The following ZNF385D variants were observed in gnomAD, a reference collection of about 807,000 sequenced individuals.
ZNF385D encodes zinc finger protein 385D, also known as zinc finger protein 659.
A neutral mutation model predicts 35.8 loss-of-function variants in ZNF385D; 15 were observed. The ratio of observed to expected loss-of-function variants is 0.42; its 90% CI spans 0.28 to 0.64. The LOEUF is 0.64. Ranked by LOEUF, ZNF385D falls within the 30% of genes least tolerant of loss-of-function variation. The probability of loss-of-function intolerance (pLI) is 0.23; values close to 1 mark genes in which losing one functional copy is unlikely to be tolerated. For missense variants in ZNF385D, 474 were observed against 494.6 expected, an observed-to-expected ratio of 0.96 and a Z score of 0.39; for synonymous variants, 212 against 186.8, an observed-to-expected ratio of 1.13 and a Z score of -1.10.
At chr3:22,324,769 T>TAC (rs1409055590) in intron 2 of ZNF385D, among the ~76,000 whole-genome samples, 3 of 152,214 alleles carry the variant, frequency 2.0e-5, no homozygotes, top group Non-Finnish European at 4.4e-5. Context: ...CCACAAGTGC[T>TAC]ACTCAATACT....
intron 3 of ZNF385D, among the ~76,000 whole-genome samples, chr3:21,851,456 A>G (rs1696383394): frequency 6.6e-6 from 1 of 152,068 alleles, no homozygotes; most frequent in African/African-American, 2.4e-5. Context: ...CCACAAAACA[A>G]AAACTTGTAC....
At chr3:22,092,040 G>T (rs1462671778) in intron 3 of ZNF385D, among the ~76,000 whole-genome samples, 1 of 152,170 alleles carries the variant, frequency 6.6e-6, no homozygotes, top group Non-Finnish European at 1.5e-5. Flanking sequence ...TTATTAGGTG[G>T]AAATACAGAG....
At chr3:21,504,968 T>G (rs899954541) in intron 4 of ZNF385D, among the ~76,000 whole-genome samples, 2 of 152,118 alleles carry the variant, frequency 1.3e-5, no homozygotes, top group African/African-American at 4.8e-5. Flanking sequence ...AGGGCAAATG[T>G]ATGTGAAAAA....
chr3:22,231,832 T>A (rs1276933505), intron 2 of ZNF385D, among the ~76,000 whole-genome samples: 1 of 152,104 alleles, frequency 6.6e-6, no homozygotes, highest in African/African-American at 2.4e-5. Context: ...GGTAGATCCT[T>A]TTTGAATGGT....
At chr3:21,580,049 G>A (rs1457962024) in intron 2 of ZNF385D, 1 of 152,076 alleles carries the variant, frequency 6.6e-6, no homozygotes, top group African/African-American at 2.4e-5. Flanking sequence ...TGGAACGGAT[G>A]ATATAAGAAT....
intron 1 of ZNF385D, among the ~76,000 whole-genome samples, chr3:21,679,937 A>T (rs2066848639): frequency 6.6e-6 from 1 of 152,084 alleles, no homozygotes; most frequent in Non-Finnish European, 1.5e-5. Context: ...ATCAACCAAG[A>T]GTGTGGCATT....
At position 22,305,538 on chromosome 3, in the gene ZNF385D, G is replaced by T. The variant is rs145685357; in HGVS notation, c.106+66912C>A. The stretch of plus-strand genomic sequence containing the variant: ...TCATGTCATCTTCCCCGTGTCTCAG[G>T]CTGATGCAGCCTCTACCTCCTGGAG... On this transcript the variant is annotated intron_variant, in intron 2 of 5. Coordinates refer to the ZNF385D transcript ENST00000494108. 3.3e-5 allele frequency among the ~76,000 whole-genome samples: 5 copies of T among 152,252 alleles called. No homozygotes were observed. In the East Asian group the frequency reaches 9.7e-4, roughly 29 times the overall value.
intron 3 of ZNF385D, among the ~76,000 whole-genome samples, chr3:22,154,253 T>C (rs995543547): frequency 2.6e-5 from 4 of 152,164 alleles, no homozygotes; most frequent in Non-Finnish European, 5.9e-5. Flanking sequence ...CTCTATCAGA[T>C]AATAGGATAT....
intron 2 of ZNF385D, among the ~76,000 whole-genome samples, chr3:22,204,970 G>A (rs1257123854): frequency 1.5e-4 from 16 of 107,688 alleles, no homozygotes; most frequent in African/African-American, 5.4e-4. Context: ...AAAGAGGACT[G>A]ACCAAATCCA....
chr3:22,251,853 T>C (rs1700079836), intron 2 of ZNF385D, among the ~76,000 whole-genome samples: 1 of 152,088 alleles, frequency 6.6e-6, no homozygotes, highest in Non-Finnish European at 1.5e-5. Flanking sequence ...TACATAGACC[T>C]GGGAAACTCA....
At chr3:21,989,948 G>T (rs1246241666) in intron 3 of ZNF385D, among the ~76,000 whole-genome samples, 1 of 152,144 alleles carries the variant, frequency 6.6e-6, no homozygotes, top group Non-Finnish European at 1.5e-5. Flanking sequence ...AAAGATTTAT[G>T]TGTAACATTT....
chr3:22,142,277 G>A (rs1704553773), intron 3 of ZNF385D, among the ~76,000 whole-genome samples: 1 of 152,066 alleles, frequency 6.6e-6, no homozygotes, highest in Non-Finnish European at 1.5e-5. Flanking sequence ...TTTACTAGGA[G>A]TTTATATGTA....
chr3:22,032,385 G>C (rs1220152908), intron 3 of ZNF385D, among the ~76,000 whole-genome samples: 1 of 152,182 alleles, frequency 6.6e-6, no homozygotes, highest in East Asian at 1.9e-4. Context: ...CACATGTAGA[G>C]GAAACTGTCA....
chr3:22,368,838 G>A (rs1696775803), intron 2 of ZNF385D, among the ~76,000 whole-genome samples: 1 of 152,150 alleles, frequency 6.6e-6, no homozygotes. Flanking sequence ...TCAATCCATA[G>A]CAGGAAGACA....
rs553685251 is a variant in ZNF385D, at chr3:21,603,285, A to T, written c.166-38601T>A. 2.5e-4 allele frequency among the ~76,000 whole-genome samples: 38 copies of T among 152,360 alleles called. No individual in the cohort carries two copies. The South Asian group carries it at 7.7e-3, about 31-fold the overall frequency. On this transcript the variant is annotated intron_variant, in intron 2 of 7. Transcript: ENST00000281523. ...CTCTCCTTATATAATGCTGGAAGAT[A>T]TGCACATTAGTGCGACAGTTCTGTT...
intron 3 of ZNF385D, among the ~76,000 whole-genome samples, chr3:22,003,104 G>A (rs932454870): frequency 6.6e-6 from 1 of 152,200 alleles, no homozygotes; most frequent in South Asian, 2.1e-4. Context: ...GAAATAAAAG[G>A]CATTCAGATT....
chr3:21,421,478 A>G, intron 7 of ZNF385D, 31 bp from the exon 8 acceptor site: 1 of 1,562,024 alleles, frequency 6.4e-7, no homozygotes, highest in African/African-American at 1.4e-5. Context: ...TGTAAAAAAA[A>G]CAACAGTTTT....
intron 3 of ZNF385D, among the ~76,000 whole-genome samples, chr3:21,804,447 G>T (rs2072543496): frequency 6.6e-6 from 1 of 152,148 alleles, no homozygotes; most frequent in South Asian, 2.1e-4. Context: ...TCACAAGGAA[G>T]TGCCTTGACT....
At chr3:22,130,481 G>GGGAC (rs1703714465) in intron 3 of ZNF385D, among the ~76,000 whole-genome samples, 1 of 152,134 alleles carries the variant, frequency 6.6e-6, no homozygotes, top group African/African-American at 2.4e-5. Context: ...TCTGATAACT[G>GGGAC]GGACGGATGA....
Sources: allele counts gnomAD v4.1 joint callset (sites outside exome capture counted in the v4.1 genomes callset), GRCh38; gene constraint gnomAD v4.1.1; transcripts MANE v1.5; gene names NCBI Gene and HGNC (gene_info 2026-07-23, HGNC 2026-07-21).